C16orf74: variants seen among roughly 807,000 people sequenced by gnomAD.
The protein encoded by C16orf74 is calcimembrin, also known as uncharacterized protein C16orf74.
In C16orf74, 10 loss-of-function variants were observed where a neutral mutation model predicts 6.5. That is an observed-to-expected ratio of 1.54 (90% confidence interval 0.95 to 2.61). The LOEUF (loss-of-function observed/expected upper bound fraction) is 2.61. Among genes scored for constraint, C16orf74 ranks in the 30% most tolerant of loss-of-function variants. C16orf74 has a pLI of 0.00. For synonymous variants in C16orf74, 60 were observed against 42.5 expected (o/e 1.41, Z -1.60); for missense variants, 141 against 105.9 (o/e 1.33, Z -1.45).
intron 2 of C16orf74, among the ~76,000 whole-genome samples, chr16:85,732,691 A>G (rs1413206203): frequency 2.0e-4 from 28 of 142,718 alleles, no homozygotes; most frequent in Admixed American, 1.1e-3. Flanking sequence ...AAAAAAAAAG[A>G]GTTCTGGCCC....
chr16:85,739,301 G>A (rs535466455), intron 1 of C16orf74, among the ~76,000 whole-genome samples: 3 of 152,176 alleles, frequency 2.0e-5, no homozygotes, highest in Non-Finnish European at 4.4e-5. Flanking sequence ...CCTGCACAAA[G>A]TACTCGGATT....
rs2053928310 is a variant in C16orf74 at position 85,707,875 on chromosome 16, C to T, written c.*133G>A. The stretch of plus-strand genomic sequence containing the variant: ...TCCTCGCTGGTCCTGCCACGTCTCT[C>T]TGAGCGGAGGCCCGGGTTCGCTCAG... On this transcript the variant is annotated 3_prime_UTR_variant, in exon 4 of 4. Coordinates refer to ENST00000284245, the MANE Select transcript of C16orf74 (RefSeq NM_206967.3). 1.4e-6 allele frequency: 1 copy of T among 705,264 alleles called. No homozygotes were observed. Among genetic ancestry groups the T allele is most frequent in the Non-Finnish European group, 2.4e-6 (1 of 418,528 alleles). The allele number at this position is 705,264 out of a possible 1,614,324, so 43.7% of individuals were successfully genotyped here.
intron 2 of C16orf74, among the ~76,000 whole-genome samples, chr16:85,734,792 T>A (rs1437589455): frequency 6.6e-6 from 1 of 152,146 alleles, no homozygotes; most frequent in East Asian, 1.9e-4. Context: ...TGGCCTTCTC[T>A]CCTACCACCT....
At chr16:85,731,896 G>A (rs999407793) in intron 2 of C16orf74, among the ~76,000 whole-genome samples, 1 of 152,156 alleles carries the variant, frequency 6.6e-6, no homozygotes, top group African/African-American at 2.4e-5. Context: ...TTGCAATGTT[G>A]CCCAGACTGG....
chr16:85,744,904 G>A (rs1314462689), intron 1 of C16orf74, among the ~76,000 whole-genome samples: 3 of 151,044 alleles, frequency 2.0e-5, no homozygotes, highest in African/African-American at 4.9e-5. Flanking sequence ...CACTTTGGGA[G>A]GCCGAGGTGG....
At chr16:85,709,973 C>G (rs764747882) in intron 3 of C16orf74, among the ~76,000 whole-genome samples, 191 bp downstream of exon 3, 3 of 152,384 alleles carry the variant, frequency 2.0e-5, no homozygotes, top group Admixed American at 6.5e-5. Flanking sequence ...CACGCCGCGT[C>G]GTGCTGAGGC....
At position 85,715,657 on chromosome 16, in the gene C16orf74, C is replaced by G. The variant is rs369289798; in HGVS notation, c.29-5350G>C. Among the ~76,000 whole-genome samples the G allele has an allele frequency of 6.2e-4, 94 of 152,332 alleles. 1 individual carries two copies. Among genetic ancestry groups the G allele is most frequent in the African/African-American group, 1.9e-3 (79 of 41,578 alleles). On this transcript the variant is annotated intron_variant, in intron 2 of 3. Transcript: ENST00000284245. ...TGGAAATGAACGAGCATGACTCTGT[C>G]TCAATAAAACTTTCTTTCTAAAAGC...
intron 1 of C16orf74, among the ~76,000 whole-genome samples, chr16:85,746,222 C>T (rs1455736215): frequency 3.9e-5 from 6 of 152,120 alleles, no homozygotes; most frequent in South Asian, 4.2e-4. Flanking sequence ...TGGCAGAGGG[C>T]GCCTGTAATC....
At chr16:85,718,710 C>G (rs1311667955) in intron 2 of C16orf74, among the ~76,000 whole-genome samples, 1 of 152,262 alleles carries the variant, frequency 6.6e-6, no homozygotes, top group African/African-American at 2.4e-5. Context: ...GAGAAAACTC[C>G]AGTGCTGGCC....
At chr16:85,719,340 G>T (rs979072333) in intron 2 of C16orf74, among the ~76,000 whole-genome samples, 3 of 152,148 alleles carry the variant, frequency 2.0e-5, no homozygotes, top group African/African-American at 4.8e-5. Context: ...AGGTCCCCAA[G>T]ATTTCAGGGT....
At chr16:85,717,461 TC>T (rs2054036495) in intron 2 of C16orf74, among the ~76,000 whole-genome samples, 1 of 152,194 alleles carries the variant, frequency 6.6e-6, no homozygotes, top group Non-Finnish European at 1.5e-5. Flanking sequence ...TCTTGCAGCC[TC>T]AGTTTCCCTG....
chr16:85,734,463 C>A (rs2054222707), intron 2 of C16orf74, among the ~76,000 whole-genome samples: 1 of 152,114 alleles, frequency 6.6e-6, no homozygotes, highest in Admixed American at 6.5e-5. Flanking sequence ...AGGTAGGTGG[C>A]CCCGGGGCAG....
intron 2 of C16orf74, among the ~76,000 whole-genome samples, chr16:85,726,492 A>G (rs760132288): frequency 3.3e-5 from 5 of 152,062 alleles, no homozygotes; most frequent in Non-Finnish European, 2.9e-5. Flanking sequence ...GGCGGTGGCA[A>G]TGGCAGGCAG....
chr16:85,736,201 G>A (rs2054242950), intron 1 of C16orf74, among the ~76,000 whole-genome samples: 2 of 152,168 alleles, frequency 1.3e-5, no homozygotes, highest in Admixed American at 6.5e-5. Context: ...TCTGGGGCTG[G>A]TTTGGAGTTA....
chr16:85,710,515 C>G (rs547325559), intron 2 of C16orf74: 13 of 512,510 alleles, frequency 2.5e-5, no homozygotes, highest in Middle Eastern at 4.9e-4. Flanking sequence ...CTCACAGAAC[C>G]ATGAGTCGGG....
chr16:85,744,587 T>C lies in C16orf74; in HGVS notation c.-19+6339A>G, dbSNP rs912117072. 3.5e-4 allele frequency among the ~76,000 whole-genome samples: 53 copies of C among 152,170 alleles called. 1 individual carries two copies. Among genetic ancestry groups the C allele is most frequent in the Admixed American group, 1.8e-3 (27 of 15,286 alleles). ...GGCTCATGCCTGAAATCCCAGCACT[T>C]TGGGAGGCCAAGGCGGGCGGATCAC... On this transcript the variant is annotated intron_variant, in intron 1 of 3. Transcript: ENST00000284245.
In C16orf74 at chr16:85,727,255, A is replaced by G. The variant is rs1050931603; in HGVS notation, c.28+7935T>C. Among the ~76,000 whole-genome samples, 4 of 152,308 alleles carry G rather than the reference A, an allele frequency of 2.6e-5. No individual in the cohort carries two copies. In the South Asian group the frequency reaches 8.3e-4, roughly 32 times the overall value. ...AGGGATTCTGGGTTTTGGGTTGACC[A>G]GGGGCTAGACGCAAGCCTCTGAAGG... On this transcript the variant is annotated intron_variant, in intron 2 of 3. Transcript: ENST00000284245.
intron 2 of C16orf74, among the ~76,000 whole-genome samples, chr16:85,715,973 G>A (rs1232238174): frequency 1.3e-5 from 2 of 152,106 alleles, no homozygotes; most frequent in Non-Finnish European, 2.9e-5. Flanking sequence ...TCCACAAAGA[G>A]CTCCTTGCGG....
rs57813380 is a variant in C16orf74, at chr16:85,740,827, CAAAAAAAA to C, written c.-18-5600_-18-5593del. ...AGCCTGGGCAAGAGAGTGAGACCCT[CAAAAAAAA>C]AAAAAAAAAAAGAAAGAAAATATAC... On this transcript the variant is annotated intron_variant, in intron 1 of 3. Transcript: ENST00000284245. 1.3e-3 allele frequency among the ~76,000 whole-genome samples: 128 copies of C among 97,890 alleles called. 2 individuals are homozygous for C. Among genetic ancestry groups the C allele is most frequent in the African/African-American group, 5.0e-3 (122 of 24,510 alleles). 64.2% of individuals were successfully genotyped at this position (97,890 alleles called of 152,430 possible). A position where few individuals can be genotyped will look rare whatever the true frequency, so the allele number is the denominator to read the frequency against.
Sources: gnomAD v4.1 joint callset for allele counts (sites outside exome capture counted in the v4.1 genomes callset) on GRCh38, gnomAD v4.1.1 for gene constraint, MANE v1.5 for transcripts, NCBI Gene and HGNC (gene_info 2026-07-23, HGNC 2026-07-21) for gene names.